FGF14: variants seen among roughly 807,000 people sequenced by gnomAD.
FGF14 encodes the protein fibroblast growth factor 14, also known as fibroblast growth factor homologous factor 4.
A neutral mutation model predicts 25.5 loss-of-function variants in FGF14; 5 were observed. The observed-to-expected ratio is 0.20, with a 90% CI of 0.10 to 0.41. The LOEUF (loss-of-function observed/expected upper bound fraction) is 0.41. Ranked by LOEUF, FGF14 falls within the 10% of genes least tolerant of loss-of-function variation. FGF14 has a pLI of 1.00. For missense variants in FGF14, 222 were observed against 320.1 expected, an observed-to-expected ratio of 0.69 and a Z score of 2.34; for synonymous variants, 138 against 118.3, an observed-to-expected ratio of 1.17 and a Z score of -1.08.
chr13:102,317,403 T>C (rs2056073482), intron 1 of FGF14, among the ~76,000 whole-genome samples: 1 of 152,156 alleles, frequency 6.6e-6, no homozygotes, highest in Non-Finnish European at 1.5e-5. Context: ...ATTAAATATA[T>C]ATATAGATAT....
chr13:102,328,841 T>C lies in FGF14; in HGVS notation c.208+72630A>G, dbSNP rs143676335. ...TATTCCAGATATTCTGGTGTTCCGGTGAAACTGATGCCATTATTTGTAGGA... is the reference window on the plus strand; with the variant it reads ...TATTCCAGATATTCTGGTGTTCCGGCGAAACTGATGCCATTATTTGTAGGA... On this transcript the variant is annotated intron_variant, in intron 1 of 4. Coordinates refer to the FGF14 transcript ENST00000376131. 8.1e-4 allele frequency among the ~76,000 whole-genome samples: 123 copies of C among 152,292 alleles called. No homozygotes were observed. The East Asian group carries it at 0.021, about 26-fold the overall frequency.
rs2057112701 is a variant in FGF14 at position 102,346,582 on chromosome 13, A to G, written c.208+54889T>C. The stretch of plus-strand genomic sequence containing the variant: ...CATATATATTTATATATATAGAGAG[A>G]GAGAACATATAAGCTCAGAATATAT... On this transcript the variant is annotated intron_variant, in intron 1 of 4. Transcript: ENST00000376131. 3.3e-5 allele frequency among the ~76,000 whole-genome samples: 5 copies of G among 152,250 alleles called. No individual in the cohort carries two copies. In the South Asian group the frequency reaches 1.0e-3, roughly 32 times the overall value.
At chr13:101,948,470 A>AAATAT (rs987611326) in intron 1 of FGF14, among the ~76,000 whole-genome samples, 4 of 146,040 alleles carry the variant, frequency 2.7e-5, no homozygotes, top group African/African-American at 1.0e-4. Context: ...ATAATAAAAA[A>AAATAT]ATATATATAT....
Position 101,714,570 on chromosome 13 carries a change from C to G in FGF14, c.*8261G>C. 7.3e-7 allele frequency: 1 copy of G among 1,370,146 alleles called. No individual in the cohort carries two copies. Among genetic ancestry groups the G allele is most frequent in the Non-Finnish European group, 1.0e-6 (1 of 957,976 alleles). 84.9% of individuals were successfully genotyped at this position (1,370,146 alleles called of 1,614,324 possible). On this transcript the variant is annotated 3_prime_UTR_variant, in exon 5 of 5. Transcript: ENST00000376143. The stretch of plus-strand genomic sequence containing the variant: ...TGTACAGGTGCAGTATTAACCTTTT[C>G]TAATTGCTCTATGCCACAGTTTGTT...
chr13:101,877,627 C>T (rs1277886917), intron 1 of FGF14, among the ~76,000 whole-genome samples: 2 of 152,132 alleles, frequency 1.3e-5, no homozygotes, highest in Non-Finnish European at 2.9e-5. Flanking sequence ...AAATAAAATG[C>T]AAATCAAATC....
intron 1 of FGF14, among the ~76,000 whole-genome samples, chr13:101,886,926 C>T (rs539423465): frequency 6.8e-4 from 104 of 152,126 alleles, no homozygotes; most frequent in South Asian, 1.5e-3. Context: ...AAATAGCCAA[C>T]AGTTATATTT....
intron 1 of FGF14, chr13:102,263,048 C>T (rs917553854): frequency 7.7e-6 from 5 of 652,618 alleles, no homozygotes; most frequent in African/African-American, 1.8e-5. Context: ...TCCTCATAGA[C>T]CCAGCTTGGT....
intron 1 of FGF14, among the ~76,000 whole-genome samples, chr13:101,899,937 C>T (rs1438017048): frequency 6.6e-6 from 1 of 151,990 alleles, no homozygotes; most frequent in Non-Finnish European, 1.5e-5. Context: ...GAATATTGCA[C>T]CTGGCTACAA....
At chr13:101,916,338 G>A in intron 1 of FGF14, 115 bp downstream of exon 1, 1 of 1,301,728 alleles carries the variant, frequency 7.7e-7, no homozygotes, top group Non-Finnish European at 1.1e-6. Context: ...TCAGAAGGGA[G>A]GCCGGGGCCG....
chr13:102,279,824 T>C (rs1484682202), intron 1 of FGF14, among the ~76,000 whole-genome samples: 3 of 152,236 alleles, frequency 2.0e-5, no homozygotes, highest in South Asian at 2.1e-4. Context: ...GGAACTCTAT[T>C]TGAAATACAT....
At chr13:102,196,628 G>A (rs2049364410) in intron 1 of FGF14, among the ~76,000 whole-genome samples, 1 of 152,082 alleles carries the variant, frequency 6.6e-6, no homozygotes, top group Non-Finnish European at 1.5e-5. Context: ...TCACAATGTT[G>A]AATGATTAAA....
Position 101,722,377 on chromosome 13 carries a change from G to A in FGF14, c.*454C>T, listed in dbSNP as rs966713401. ...CAGCCCTGTAAAAATGGGAAGAAGA[G>A]AAATCCGTAATAGCACAGGTTTACA... On this transcript the variant is annotated 3_prime_UTR_variant, in exon 5 of 5. Transcript: ENST00000376143. The A allele has an allele frequency of 4.2e-6, 1 of 236,090 alleles. No individual in the cohort carries two copies. The highest frequency in any genetic ancestry group is 8.4e-6 in the Non-Finnish European group (1 of 119,226). The allele number at this position is 236,090 out of a possible 1,614,324, so 14.6% of individuals were successfully genotyped here.
chr13:101,930,337 T>TA (rs1491223211), intron 1 of FGF14, among the ~76,000 whole-genome samples: 1 of 152,134 alleles, frequency 6.6e-6, no homozygotes, highest in Admixed American at 6.5e-5. Flanking sequence ...AGAGCCAAAT[T>TA]AATTTCCTGC....
chr13:102,358,762 A>G (rs549733864), intron 1 of FGF14, among the ~76,000 whole-genome samples: 112 of 152,238 alleles, frequency 7.4e-4, no homozygotes, highest in Non-Finnish European at 1.4e-3. Context: ...CAAATGTTTT[A>G]AATGCTCATC....
chr13:102,167,676 T>C (rs963554685), intron 1 of FGF14, among the ~76,000 whole-genome samples: 1 of 152,136 alleles, frequency 6.6e-6, no homozygotes, highest in Non-Finnish European at 1.5e-5. Flanking sequence ...GTAATAACAC[T>C]GAACCTGTTG....
intron 1 of FGF14, among the ~76,000 whole-genome samples, chr13:102,005,727 T>C (rs1027427657): frequency 6.6e-6 from 1 of 152,224 alleles, no homozygotes; most frequent in Non-Finnish European, 1.5e-5. Flanking sequence ...ATAAACCTGA[T>C]ATAATACATG....
chr13:102,357,392 C>T lies in FGF14; in HGVS notation c.208+44079G>A, dbSNP rs79209853. 9.3e-4 allele frequency among the ~76,000 whole-genome samples: 142 copies of T among 152,118 alleles called. 5 individuals carry two copies. In the East Asian group the frequency reaches 0.026, roughly 28 times the overall value. On this transcript the variant is annotated intron_variant, in intron 1 of 4. Transcript: ENST00000376131. ...CTGACAATATGTCTGTCAGGATACACGGAAGTTCTACCAATAGCAGTAGCC... is the reference window on the plus strand; with the variant it reads ...CTGACAATATGTCTGTCAGGATACATGGAAGTTCTACCAATAGCAGTAGCC...
chr13:102,064,714 A>G (rs1414979269), intron 1 of FGF14, among the ~76,000 whole-genome samples: 2 of 152,068 alleles, frequency 1.3e-5, no homozygotes, highest in African/African-American at 4.8e-5. Flanking sequence ...TGAACAGAAG[A>G]TACTTTAAAA....
At chr13:102,178,791 G>C (rs561735774) in intron 1 of FGF14, among the ~76,000 whole-genome samples, 1 of 151,996 alleles carries the variant, frequency 6.6e-6, no homozygotes, top group African/African-American at 2.4e-5. Flanking sequence ...TCTCACAAAA[G>C]TTGTGAGATA....
Sources: gnomAD v4.1 joint callset for allele counts (sites outside exome capture counted in the v4.1 genomes callset) on GRCh38, gnomAD v4.1.1 for gene constraint, MANE v1.5 for transcripts, NCBI Gene and HGNC (gene_info 2026-07-23, HGNC 2026-07-21) for gene names.